ABLIM1: variants seen among roughly 807,000 people sequenced by gnomAD.
ABLIM1 encodes the protein actin binding LIM protein 1.
A neutral mutation model predicts 107.0 loss-of-function variants in ABLIM1; 40 were observed. The observed-to-expected ratio is 0.37, with a 90% confidence interval of 0.29 to 0.49. The LOEUF (loss-of-function observed/expected upper bound fraction) is 0.49, where lower values mean the gene tolerates loss of function less well. ABLIM1 is among the 20% of genes least tolerant of loss of function. The pLI, the probability that ABLIM1 is intolerant of heterozygous loss-of-function variation, is 0.97. For missense variants in ABLIM1, 857 were observed against 1,008.5 expected (o/e 0.85, Z 2.04); for synonymous variants, 357 against 357.3 (o/e 1.00, Z 0.01).
At position 114,518,820 on chromosome 10, in the gene ABLIM1, TA is replaced by T. The variant is rs11451489; in HGVS notation, c.894+26184del. ...TTATTTACGATGAGCTCACACTACT[TA>T]AAAAAAAAAACTTTTAGAAGTTGTC... On this transcript the variant is annotated intron_variant, in intron 6 of 22. Coordinates refer to ENST00000533213, the MANE Select transcript of ABLIM1 (RefSeq NM_002313.7). Among the ~76,000 whole-genome samples, 1,098 of 148,548 alleles carry T rather than the reference TA, an allele frequency of 7.4e-3. 11 individuals carry two copies. Among genetic ancestry groups the T allele is most frequent in the African/African-American group, 0.023 (944 of 40,432 alleles).
chr10:114,565,606 C>T (rs2070560575), intron 4 of ABLIM1, among the ~76,000 whole-genome samples: 1 of 152,002 alleles, frequency 6.6e-6, no homozygotes, highest in Admixed American at 6.6e-5. Flanking sequence ...CTTTCCTACG[C>T]TCCCTTGGCA....
intron 1 of ABLIM1, among the ~76,000 whole-genome samples, chr10:114,725,254 G>T (rs2081931957): frequency 6.6e-6 from 1 of 152,108 alleles, no homozygotes; most frequent in South Asian, 2.1e-4. Flanking sequence ...ACAGGCCAAA[G>T]ATGTATGTAC....
chr10:114,479,042 A>C (rs2056931926), intron 8 of ABLIM1, among the ~76,000 whole-genome samples: 1 of 152,168 alleles, frequency 6.6e-6, no homozygotes, highest in Non-Finnish European at 1.5e-5. Context: ...CCTGGGCTCT[A>C]CTAGTTGTTT....
chr10:114,606,878 C>T (rs1229952289), intron 1 of ABLIM1, among the ~76,000 whole-genome samples: 1 of 152,174 alleles, frequency 6.6e-6, no homozygotes, highest in Non-Finnish European at 1.5e-5. Context: ...ACTTCTAATC[C>T]AGACCTCTTT....
At chr10:114,798,293 C>T in the ABLIM1 span, among the ~76,000 whole-genome samples, 4 of 151,810 alleles carry the variant, frequency 2.6e-5, no homozygotes, top group Non-Finnish European at 5.9e-5. Flanking sequence ...TGGTGGTGCG[C>T]GCCTGTAGTC....
chr10:114,713,789 T>C (rs1591869416), intron 1 of ABLIM1, among the ~76,000 whole-genome samples: 1 of 152,200 alleles, frequency 6.6e-6, no homozygotes, highest in East Asian at 1.9e-4. Context: ...TTCACATACA[T>C]CTTTCTCTAA....
At chr10:114,761,983 G>GCT (rs144008972) in intron 1 of ABLIM1, among the ~76,000 whole-genome samples, 60,554 of 145,468 alleles carry the variant, frequency 0.42, 13,192 homozygotes, top group Non-Finnish European at 0.51. Context: ...TATCCCATAT[G>GCT]CTCTCTCTCT....
rs997213006 is a variant in ABLIM1 at position 114,433,538 on chromosome 10, A to G, written c.*2722T>C. Reference sequence around the variant, plus strand: ...CTGGCAATGCATTTCTGCAAGGTGCAGTTTAAATGAACTCATATGGTACTT... The same window carrying G: ...CTGGCAATGCATTTCTGCAAGGTGCGGTTTAAATGAACTCATATGGTACTT... On this transcript the variant is annotated 3_prime_UTR_variant, in exon 23 of 23. Transcript: ENST00000533213. The G allele has an allele frequency of 1.3e-5, 2 of 152,280 alleles. No individual in the cohort carries two copies. The highest frequency in any genetic ancestry group is 1.9e-4 in the East Asian group (1 of 5,200). The allele number at this position is 152,280 out of a possible 1,614,324, so 9.4% of individuals were successfully genotyped here.
rs532875585 is a variant in ABLIM1 at position 114,533,616 on chromosome 10, C to T, written c.894+11389G>A. ...GAACTCAGGACATTTACTGTGTATG[C>T]CCATTACTTGGCCATTTAATACTGT... On this transcript the variant is annotated intron_variant, in intron 6 of 22. Coordinates refer to ENST00000533213, the MANE Select transcript of ABLIM1 (RefSeq NM_002313.7). Among the ~76,000 whole-genome samples, 7 of 152,284 alleles carry T rather than the reference C, an allele frequency of 4.6e-5. No individual in the cohort carries two copies. In the East Asian group the frequency reaches 1.2e-3, roughly 25 times the overall value.
chr10:114,690,512 C>A lies in ABLIM1; in HGVS notation c.-213+77549G>T. 2.0e-6 allele frequency: 3 copies of A among 1,471,658 alleles called. No homozygotes were observed. The East Asian group carries it at 6.8e-5, about 33-fold the overall frequency. 91.2% of individuals were successfully genotyped at this position (1,471,658 alleles called of 1,614,324 possible). A position where few individuals can be genotyped will look rare whatever the true frequency, so the allele number is the denominator to read the frequency against. Reference sequence around the variant, plus strand: ...GGGAGCCCTTACAACCAAATCCTTTCTCTCCCATGCCCAGAACACGAAGGT... The same window carrying A: ...GGGAGCCCTTACAACCAAATCCTTTATCTCCCATGCCCAGAACACGAAGGT... On this transcript the variant is annotated intron_variant, in intron 1 of 15. Transcript: ENST00000651092.
rs553474877 is a variant in ABLIM1 at position 114,535,255 on chromosome 10, G to A, written c.894+9750C>T. 9.8e-4 allele frequency among the ~76,000 whole-genome samples: 149 copies of A among 152,056 alleles called. 2 individuals are homozygous for A. The highest frequency in any genetic ancestry group is 3.4e-3 in the Middle Eastern group (1 of 294). ...ATGTCCTGTGCAGTGGTAACCTCTCGCCACACAAAAAAACAAAATTTAGGC... is the reference window on the plus strand; with the variant it reads ...ATGTCCTGTGCAGTGGTAACCTCTCACCACACAAAAAAACAAAATTTAGGC... On this transcript the variant is annotated intron_variant, in intron 6 of 22. Transcript: ENST00000533213.
intron 17 of ABLIM1, 47 bp downstream of exon 17, chr10:114,443,982 A>G (rs2060622886): frequency 6.8e-7 from 1 of 1,480,182 alleles, no homozygotes; most frequent in African/African-American, 1.4e-5. Flanking sequence ...CCTTACAAGC[A>G]GGTGGCTGGC....
At chr10:114,630,975 G>A (rs2078138347) in intron 1 of ABLIM1, among the ~76,000 whole-genome samples, 1 of 152,120 alleles carries the variant, frequency 6.6e-6, no homozygotes, top group Admixed American at 6.5e-5. Context: ...TCTAATTCTG[G>A]TCTAGAAGGG....
chr10:114,509,890 C>T (rs2061618841), intron 6 of ABLIM1, among the ~76,000 whole-genome samples: 1 of 152,194 alleles, frequency 6.6e-6, no homozygotes, highest in Admixed American at 6.5e-5. Context: ...ACGGGGAGGC[C>T]TCACAATCAT....
chr10:114,730,255 A>C (rs1160513308), intron 1 of ABLIM1, among the ~76,000 whole-genome samples: 1 of 151,928 alleles, frequency 6.6e-6, no homozygotes, highest in African/African-American at 2.4e-5. Flanking sequence ...AAAATTAGCC[A>C]GGTGTGGCGA....
intron 7 of ABLIM1, among the ~76,000 whole-genome samples, chr10:114,490,775 C>T (rs1192846618): frequency 3.3e-5 from 5 of 150,606 alleles, no homozygotes; most frequent in African/African-American, 4.9e-5. Flanking sequence ...AAACTATGAT[C>T]ATATATATAT....
rs138390817 is a variant in ABLIM1, at chr10:114,668,282, C to T, written c.64+16008G>A. Among the ~76,000 whole-genome samples, 24 of 152,204 alleles carry T rather than the reference C, an allele frequency of 1.6e-4. 1 individual carries two copies. In the East Asian group the frequency reaches 4.4e-3, roughly 28 times the overall value. On this transcript the variant is annotated intron_variant, in intron 1 of 23. Coordinates refer to the ABLIM1 transcript ENST00000369256. The stretch of plus-strand genomic sequence containing the variant: ...ATGGATAAGTTTGATGACCAAGGGA[C>T]AAGTGGAGTGAGACAGGGATATTAG...
At chr10:114,451,692 G>GGT in intron 13 of ABLIM1, 21 bp from the exon 14 acceptor site, 1 of 1,600,112 alleles carries the variant, frequency 6.2e-7, no homozygotes, top group Non-Finnish European at 8.5e-7. Flanking sequence ...GAAAAGCAAA[G>GGT]GTGTGTGATT....
At position 114,607,350 on chromosome 10, in the gene ABLIM1, G is replaced by A. The variant is rs1304876595; in HGVS notation, c.245-5389C>T. ...GTTGGGATTACAGGCGTGAGCCACC[G>A]CGCCCGGCCTCTGGCGTTTTTCTCC... is the stretch of plus-strand genomic sequence containing the variant. On this transcript the variant is annotated intron_variant, in intron 1 of 22. Coordinates refer to ENST00000533213, the MANE Select transcript of ABLIM1 (RefSeq NM_002313.7). Among the ~76,000 whole-genome samples, 7 of 152,290 alleles carry A rather than the reference G, an allele frequency of 4.6e-5. No homozygotes were observed. The South Asian group carries it at 8.3e-4, about 18-fold the overall frequency.
Sources: allele counts gnomAD v4.1 joint callset (sites outside exome capture counted in the v4.1 genomes callset), GRCh38; gene constraint gnomAD v4.1.1; transcripts MANE v1.5; gene names NCBI Gene and HGNC (gene_info 2026-07-23, HGNC 2026-07-21).